Variants in FAAH observed in about 807,000 individuals in gnomAD.
FAAH encodes fatty-acid amide hydrolase 1.
A neutral mutation model predicts 69.7 loss-of-function variants in FAAH; 63 were observed. That is an observed-to-expected ratio of 0.90 (90% confidence interval 0.74 to 1.12). FAAH has a LOEUF of 1.12. Among genes scored for constraint, FAAH ranks in the 50% most tolerant of loss-of-function variants. The probability of loss-of-function intolerance (pLI) is 0.00; values close to 1 mark genes in which losing one functional copy is unlikely to be tolerated. For synonymous variants in FAAH, 305 were observed against 324.2 expected (o/e 0.94, Z 0.64); for missense variants, 680 against 755.0 (o/e 0.90, Z 1.16).
chr1:46,399,757 A>C (rs1003974537), intron 1 of FAAH, among the ~76,000 whole-genome samples: 4 of 152,254 alleles, frequency 2.6e-5, no homozygotes, highest in African/African-American at 9.6e-5. Context: ...GTGAGATGGG[A>C]AAGGCAAGAT....
chr1:46,411,082 A>T lies in FAAH; in HGVS notation c.1316+228A>T, dbSNP rs1278052444. On this transcript the variant is annotated intron_variant, in intron 11 of 14. Coordinates refer to ENST00000243167, the MANE Select transcript of FAAH (RefSeq NM_001441.3). The surrounding 1 kb of genome is among the most constrained non-coding windows in gnomAD (Gnocchi z 4.8). The stretch of plus-strand genomic sequence containing the variant: ...CCTGAGGGGGACAAGAGGATGGGGG[A>T]GTTGGAGGGGAGGAGGTTGACCTGG... 6.8e-6 allele frequency among the ~76,000 whole-genome samples: 1 copy of T among 147,142 alleles called. No individual in the cohort carries two copies. The highest frequency in any genetic ancestry group is 1.5e-5 in the Non-Finnish European group (1 of 66,568).
intron 1 of FAAH, among the ~76,000 whole-genome samples, chr1:46,400,286 T>C (rs1207558526): frequency 3.3e-5 from 5 of 151,964 alleles, no homozygotes; most frequent in African/African-American, 4.8e-5. Context: ...CTCTGGAGCC[T>C]GTGGTGTGAT....
At position 46,394,364 on chromosome 1, in the gene FAAH, C is replaced by G. The variant is rs758805421; in HGVS notation, c.16C>G (p.Leu6Val). The G allele has an allele frequency of 1.1e-5, 17 of 1,550,442 alleles. 1 individual carries two copies. In the African/African-American group the frequency reaches 2.4e-4, roughly 22 times the overall value. ...TGAAGGGATCATGGTGCAGTACGAG[C>G]TGTGGGCCGCGCTGCCTGGCGCCTC... MVQYE[L>V]WAALPGASGV... The change falls in exon 1 of 15, where the codon CTG becomes GTG. Residue 6 changes from leucine (L) to valine (V), a missense_variant. By Grantham distance (32) the Leu-to-Val change is conservative (BLOSUM62 1). Coordinates refer to ENST00000243167, the MANE Select transcript of FAAH (RefSeq NM_001441.3).
rs1460380719 is a variant in FAAH at position 46,394,719 on chromosome 1, G to C, written c.195+176G>C. Among the ~76,000 whole-genome samples the C allele has an allele frequency of 2.0e-5, 3 of 152,354 alleles. No homozygotes were observed. In the East Asian group the frequency reaches 5.8e-4, roughly 29 times the overall value. On this transcript the variant is annotated intron_variant, in intron 1 of 14. Coordinates refer to ENST00000243167, the MANE Select transcript of FAAH (RefSeq NM_001441.3). ...CTTTCTGAGCCAGGTAGAGCACGGGGGAAGAAAGGAAACGGTAGTGTCAAG... is the reference window on the plus strand; with the variant it reads ...CTTTCTGAGCCAGGTAGAGCACGGGCGAAGAAAGGAAACGGTAGTGTCAAG...
intron 2 of FAAH, among the ~76,000 whole-genome samples, chr1:46,403,118 G>A (rs1557758180): frequency 6.6e-6 from 1 of 151,424 alleles, no homozygotes; most frequent in African/African-American, 2.4e-5. Context: ...ACAGGCGTGA[G>A]CCACCATGCC....
At chr1:46,406,904 C>T (rs1337069454) in intron 7 of FAAH, among the ~76,000 whole-genome samples, 3 of 152,114 alleles carry the variant, frequency 2.0e-5, no homozygotes, top group African/African-American at 4.8e-5. Context: ...CCGCGCCGGC[C>T]GGAAATCCAC....
At chr1:46,408,286 A>G (rs45454993) in intron 7 of FAAH, among the ~76,000 whole-genome samples, 173 bp from the exon 8 acceptor site, 3 of 152,118 alleles carry the variant, frequency 2.0e-5, no homozygotes, top group South Asian at 2.1e-4. Context: ...TGCTCTGCCC[A>G]CCTGAGTCAC....
chr1:46,408,340 C>A (rs1322931789), intron 7 of FAAH, 119 bp from the exon 8 acceptor site: 3 of 1,361,744 alleles, frequency 2.2e-6, no homozygotes, highest in African/African-American at 2.9e-5. Flanking sequence ...AAGGGGCTGG[C>A]CTCGCTGACT....
chr1:46,394,534 C>G lies in FAAH; in HGVS notation c.186C>G (p.Phe62Leu), dbSNP rs1248863676. 1.5e-6 allele frequency: 2 copies of G among 1,365,790 alleles called. No homozygotes were observed. The highest frequency in any genetic ancestry group is 1.5e-5 in the African/African-American group (1 of 65,444). 84.6% of individuals were successfully genotyped at this position (1,365,790 alleles called of 1,614,324 possible). Reference protein sequence around the residue: ...LENMDRAAQRFRLQNPDLDSE... With the variant: ...LENMDRAAQRLRLQNPDLDSE... ...ACATGGACAGGGCGGCGCAGCGCTT[C>G]CGGCTCCAGGTGACTGCCGGAGCGT... The change falls in exon 1 of 15, where the codon TTC becomes TTG. Residue 62 changes from phenylalanine (F) to leucine (L), a missense_variant. Phe to Leu is a conservative substitution (Grantham distance 22, BLOSUM62 0). Coordinates refer to ENST00000243167, the MANE Select transcript of FAAH (RefSeq NM_001441.3).
At chr1:46,394,637 C>T (rs1245888171) in intron 1 of FAAH, 94 bp downstream of exon 1, 2 of 1,097,284 alleles carry the variant, frequency 1.8e-6, no homozygotes, top group African/African-American at 1.6e-5. Context: ...GGGGATGGGG[C>T]GGGCAGAGCA....
In FAAH at chr1:46,405,765, C is replaced by T. The variant is rs745444565; in HGVS notation, c.756C>T (p.Cys252=). 10 of 1,613,448 alleles carry T rather than the reference C, an allele frequency of 6.2e-6. No individual in the cohort carries two copies. The highest frequency in any genetic ancestry group is 1.7e-4 in the Middle Eastern group (1 of 6,028). Residue 252 remains cysteine (C), a synonymous_variant, in exon 5 of 15, where the codon TGC becomes TGT. Transcript: ENST00000243167. The surrounding 1 kb of genome is among the most constrained non-coding windows in gnomAD (Gnocchi z 4.1). ...IRFPSSFCGI[C]GLKPTGNRLS... is the part of the protein sequence containing the mutation. ...TCCCCTCCTCCTTCTGCGGCATCTG[C>T]GGCCTCAAGCCCACAGGGAACCGCC... is the stretch of plus-strand genomic sequence containing the variant.
intron 1 of FAAH, among the ~76,000 whole-genome samples, chr1:46,394,837 A>G (rs1427959438): frequency 6.6e-6 from 1 of 152,258 alleles, no homozygotes; most frequent in Non-Finnish European, 1.5e-5. Flanking sequence ...GGAATGCGAA[A>G]ACGCAAGCGT....
In FAAH at chr1:46,410,455, C is replaced by T. The variant is rs1664891087; in HGVS notation, c.1233C>T (p.Pro411=). 2.5e-6 allele frequency: 4 copies of T among 1,614,114 alleles called. No individual in the cohort carries two copies. The South Asian group carries it at 3.3e-5, about 13-fold the overall frequency. The part of the protein sequence containing the change: ...LGDLVSILKL[P]QWLKGLLAFL... Reference sequence around the variant, plus strand: ...ACCTGGTCTCAATTCTGAAGCTTCCCCAATGGCTTAAAGGACTGCTGGCCT... The same window carrying T: ...ACCTGGTCTCAATTCTGAAGCTTCCTCAATGGCTTAAAGGACTGCTGGCCT... The change falls in exon 10 of 15, where the codon CCC becomes CCT. Residue 411 remains proline, a synonymous_variant. Transcript: ENST00000243167. The surrounding 1 kb of genome is among the most constrained non-coding windows in gnomAD (Gnocchi z 4.9).
chr1:46,401,954 G>A (rs1664710131), intron 1 of FAAH, 137 bp from the exon 2 acceptor site: 2 of 756,248 alleles, frequency 2.6e-6, no homozygotes, highest in East Asian at 2.7e-5. Flanking sequence ...AGGAGACAGA[G>A]CTGCATTCTC....
In FAAH at chr1:46,412,198, T is replaced by C; in HGVS notation, c.1412T>C (p.Leu471Pro). The change falls in exon 13 of 15, where the codon CTG (leucine) becomes CCG (proline). Residue 471 changes from leucine (L) to proline (P), a missense_variant. By Grantham distance (98) the Leu-to-Pro change is moderately conservative. Transcript: ENST00000243167. ...QWRALDLDVV[L>P]TPMLAPALDL... ...AGGGCGCTGGACCTGGATGTGGTGC[T>C]GACCCCCATGCTGGCCCCTGCTCTG... 1 of 1,564,134 alleles carries C rather than the reference T, an allele frequency of 6.4e-7. No homozygotes were observed. The highest frequency in any genetic ancestry group is 2.4e-5 in the East Asian group (1 of 41,766).
At position 46,406,357 on chromosome 1, in the gene FAAH, T is replaced by A. The variant is rs553209623; in HGVS notation, c.940T>A (p.Phe314Ile). Reference sequence around the variant, plus strand: ...GGACCCCACTGTGCCTCCCTTGCCCTTCAGAGAAGAGGTGAGCAGGGCTGG... The same window carrying A: ...GGACCCCACTGTGCCTCCCTTGCCCATCAGAGAAGAGGTGAGCAGGGCTGG... The part of the protein sequence containing the change: ...RLDPTVPPLP[F>I]REEVYTSSQP... The change falls in exon 7 of 15, where the codon TTC (phenylalanine) becomes ATC (isoleucine). Residue 314 changes from phenylalanine (F) to isoleucine (I), a missense_variant. Phe to Ile is a conservative substitution (Grantham distance 21). Coordinates refer to ENST00000243167, the MANE Select transcript of FAAH (RefSeq NM_001441.3). 57 of 1,613,906 alleles carry A rather than the reference T, an allele frequency of 3.5e-5. No homozygotes were observed. The highest frequency in any genetic ancestry group is 7.6e-6 in the Non-Finnish European group (9 of 1,180,036).
chr1:46,413,018 C>G, intron 13 of FAAH, 57 bp from the exon 14 acceptor site: 3 of 1,608,844 alleles, frequency 1.9e-6, no homozygotes, highest in East Asian at 2.2e-5. Context: ...GACTCAGGCC[C>G]GGAGTTGGCA....
Position 46,411,786 on chromosome 1 carries a change from C to G in FAAH, c.1356+135C>G. 2 of 969,144 alleles carry G rather than the reference C, an allele frequency of 2.1e-6. No homozygotes were observed. The highest frequency in any genetic ancestry group is 1.6e-5 in the African/African-American group (1 of 62,082). 60.0% of individuals were successfully genotyped at this position (969,144 alleles called of 1,614,324 possible). On this transcript the variant is annotated intron_variant, in intron 12 of 14. Transcript: ENST00000243167. The surrounding 1 kb of genome is among the most constrained non-coding windows in gnomAD (Gnocchi z 4.8). ...TGGCCTGTCATCCCCCTTCCACTCC[C>G]TGGACCACCACTTGGGCCCAGCTCT...
chr1:46,412,258 C>G lies in FAAH; in HGVS notation c.1465+7C>G, dbSNP rs558995926. ...GCCCCAGGCAGGGCCACAGGTGAGG[C>G]CCGACACCCTGCCTGTCCCTTCTGT... On this transcript the variant is annotated splice_region_variant and intron_variant, in intron 13 of 14. Coordinates refer to ENST00000243167, the MANE Select transcript of FAAH (RefSeq NM_001441.3). 4.5e-6 allele frequency: 7 copies of G among 1,547,140 alleles called. No homozygotes were observed. In the East Asian group the frequency reaches 1.7e-4, roughly 38 times the overall value.
Sources: gnomAD v4.1 joint callset for allele counts (sites outside exome capture counted in the v4.1 genomes callset) on GRCh38, gnomAD v4.1.1 for gene constraint, Gnocchi (gnomAD v3.1) non-coding constraint, MANE v1.5 for transcripts, NCBI Gene and HGNC (gene_info 2026-07-23, HGNC 2026-07-21) for gene names.